MYO3B: variants seen among roughly 807,000 people sequenced by gnomAD.
MYO3B encodes myosin-IIIb.
A neutral mutation model predicts 174.6 loss-of-function variants in MYO3B; 156 were observed. That is an observed-to-expected ratio of 0.89 (90% CI 0.78 to 1.02). The LOEUF (loss-of-function observed/expected upper bound fraction) is 1.02. Among genes scored for constraint, MYO3B ranks in the 50% least tolerant of loss-of-function variants. The probability of loss-of-function intolerance (pLI) is 0.00; values close to 1 mark genes in which losing one functional copy is unlikely to be tolerated. For synonymous variants in MYO3B, 563 were observed against 569.1 expected (o/e 0.99, Z 0.15); for missense variants, 1,632 against 1,639.4 (o/e 1.00, Z 0.08).
intron 32 of MYO3B, among the ~76,000 whole-genome samples, chr2:170,570,406 T>C (rs371947527): frequency 6.6e-6 from 1 of 152,222 alleles, no homozygotes; most frequent in Admixed American, 6.5e-5. Flanking sequence ...AATTAATCTT[T>C]TTTATATTAG....
chr2:170,431,837 A>G (rs781197449), intron 22 of MYO3B, among the ~76,000 whole-genome samples: 1 of 152,230 alleles, frequency 6.6e-6, no homozygotes, highest in Non-Finnish European at 1.5e-5. Context: ...TCCCTTCTAT[A>G]TACAGTTATG....
Position 170,347,775 on chromosome 2 carries a change from C to T in MYO3B, c.815+12325C>T, listed in dbSNP as rs1052074415. On this transcript the variant is annotated intron_variant, in intron 8 of 34. Transcript: ENST00000408978. ...GGTAAAATTCACATAAAATATTAAC[C>T]GTCTAAAAGTGAACAATTCAGTGGT... Among the ~76,000 whole-genome samples the T allele has an allele frequency of 3.9e-5, 6 of 152,082 alleles. No homozygotes were observed. In the East Asian group the frequency reaches 7.7e-4, roughly 19 times the overall value.
chr2:170,364,082 T>C (rs1386409296), intron 8 of MYO3B, among the ~76,000 whole-genome samples: 2 of 152,104 alleles, frequency 1.3e-5, no homozygotes, highest in Admixed American at 6.6e-5. Flanking sequence ...CCCTCCAGAG[T>C]GTCTGAGATG....
intron 3 of MYO3B, among the ~76,000 whole-genome samples, chr2:170,204,721 C>T (rs1364464169): frequency 1.3e-5 from 2 of 152,152 alleles, no homozygotes; most frequent in Non-Finnish European, 2.9e-5. Flanking sequence ...TGAAAACACA[C>T]TTCTGTATTT....
intron 8 of MYO3B, among the ~76,000 whole-genome samples, chr2:170,366,638 A>G (rs568140959): frequency 3.9e-5 from 6 of 152,168 alleles, no homozygotes; most frequent in Non-Finnish European, 8.8e-5. Flanking sequence ...AATGCCTACT[A>G]TCTTCATTTT....
At chr2:170,273,720 C>T (rs1473314787) in intron 7 of MYO3B, among the ~76,000 whole-genome samples, 1 of 149,784 alleles carries the variant, frequency 6.7e-6, no homozygotes, top group Admixed American at 6.8e-5. Context: ...TCGGTGAAAC[C>T]TTCCTCAAAC....
chr2:170,251,609 C>T (rs541749769), intron 7 of MYO3B, among the ~76,000 whole-genome samples: 36 of 152,222 alleles, frequency 2.4e-4, no homozygotes, highest in African/African-American at 7.2e-4. Context: ...GGTCCAGGAA[C>T]GCCTGGGCTA....
chr2:170,472,366 C>T (rs890343665), intron 25 of MYO3B, among the ~76,000 whole-genome samples: 22 of 152,188 alleles, frequency 1.4e-4, no homozygotes, highest in African/African-American at 5.1e-4. Flanking sequence ...AATTGAATTA[C>T]TTGGTGTTCC....
At chr2:170,592,614 G>T (rs779770312) in intron 32 of MYO3B, among the ~76,000 whole-genome samples, 24 of 152,174 alleles carry the variant, frequency 1.6e-4, no homozygotes, top group Non-Finnish European at 2.5e-4. Context: ...CTGTCCCTGG[G>T]TGCTGTTTGA....
At chr2:170,308,872 G>A (rs1033843497) in intron 7 of MYO3B, among the ~76,000 whole-genome samples, 3 of 152,082 alleles carry the variant, frequency 2.0e-5, no homozygotes, top group Non-Finnish European at 4.4e-5. Flanking sequence ...GTAGTCAGAG[G>A]CCAAGCAGAA....
intron 30 of MYO3B, among the ~76,000 whole-genome samples, chr2:170,525,823 TGTGAA>T (rs1228719912): frequency 6.6e-6 from 1 of 152,226 alleles, no homozygotes; most frequent in Non-Finnish European, 1.5e-5. Context: ...TCATGTGGGC[TGTGAA>T]GTACAGATTG....
intron 32 of MYO3B, among the ~76,000 whole-genome samples, chr2:170,635,894 C>T (rs1697424134): frequency 6.6e-6 from 1 of 152,190 alleles, no homozygotes; most frequent in Admixed American, 6.5e-5. Context: ...ACACCCCTGA[C>T]TGACATTTCC....
intron 25 of MYO3B, among the ~76,000 whole-genome samples, chr2:170,477,587 C>T (rs1262136553): frequency 6.6e-6 from 1 of 151,722 alleles, no homozygotes; most frequent in African/African-American, 2.4e-5. Context: ...TTCTTAGTGG[C>T]TTAAGCCAGA....
At chr2:170,456,580 A>G (rs893975778) in intron 23 of MYO3B, among the ~76,000 whole-genome samples, 1 of 152,184 alleles carries the variant, frequency 6.6e-6, no homozygotes. Flanking sequence ...CATTAGAACT[A>G]TTTTTCTTAC....
chr2:170,486,819 A>C (rs779744554), intron 25 of MYO3B, among the ~76,000 whole-genome samples: 2 of 152,174 alleles, frequency 1.3e-5, no homozygotes, highest in Admixed American at 1.3e-4. Context: ...GATCACCATC[A>C]TGTCCTTCAT....
rs1698952867 is a variant in MYO3B, at chr2:170,650,789, T to C, written c.3734-839T>C. 2.0e-5 allele frequency among the ~76,000 whole-genome samples: 3 copies of C among 149,642 alleles called. No homozygotes were observed. The South Asian group carries it at 6.5e-4, about 32-fold the overall frequency. On this transcript the variant is annotated intron_variant, in intron 32 of 34. Coordinates refer to ENST00000408978, the MANE Select transcript of MYO3B (RefSeq NM_138995.5). ...ACTTCCACCTCCCGGGTTCAAGCTATTCTCCTGTCTCAGCCTCCCGAGTAG... is the reference window on the plus strand; with the variant it reads ...ACTTCCACCTCCCGGGTTCAAGCTACTCTCCTGTCTCAGCCTCCCGAGTAG...
At chr2:170,506,870 G>T (rs982181965) in intron 28 of MYO3B, among the ~76,000 whole-genome samples, 2 of 152,170 alleles carry the variant, frequency 1.3e-5, no homozygotes, top group African/African-American at 4.8e-5. Flanking sequence ...ATGCACCATT[G>T]AAAGAAAAGG....
At chr2:170,532,514 TA>T (rs147465542) in intron 30 of MYO3B, among the ~76,000 whole-genome samples, 55 of 152,244 alleles carry the variant, frequency 3.6e-4, no homozygotes, top group Admixed American at 1.2e-3. Context: ...TATTTAGGGA[TA>T]AAAGAGTATC....
intron 3 of MYO3B, among the ~76,000 whole-genome samples, chr2:170,202,917 GA>G (rs2092677880): frequency 2.0e-5 from 3 of 152,264 alleles, no homozygotes; most frequent in Admixed American, 1.3e-4. Context: ...CTAGAGGATA[GA>G]AAAATGTTAT....
Sources: allele counts gnomAD v4.1 joint callset (sites outside exome capture counted in the v4.1 genomes callset), GRCh38; gene constraint gnomAD v4.1.1; transcripts MANE v1.5; gene names NCBI Gene and HGNC (gene_info 2026-07-23, HGNC 2026-07-21).